Variants in GALNT13 observed in about 807,000 individuals in gnomAD.
GALNT13 encodes UDP-GalNAc:polypeptide N-acetylgalactosaminyltransferase 13.
GALNT13 carries 28 observed loss-of-function variants against 64.2 expected under a neutral mutation model. That is an observed-to-expected ratio of 0.44 (90% confidence interval 0.32 to 0.60). GALNT13 has a LOEUF of 0.60. Ranked by LOEUF, GALNT13 falls within the 20% of genes least tolerant of loss-of-function variation. The pLI is 0.05. For missense variants in GALNT13, 577 were observed against 669.8 expected, an observed-to-expected ratio of 0.86 and a Z score of 1.53; for synonymous variants, 214 against 224.6, an observed-to-expected ratio of 0.95 and a Z score of 0.42.
At chr2:153,449,978 A>T in the GALNT13 span, among the ~76,000 whole-genome samples, 1 of 152,222 alleles carries the variant, frequency 6.6e-6, no homozygotes, top group Admixed American at 6.5e-5. Context: ...GAACCTATTC[A>T]AACAATATAA....
the GALNT13 span, among the ~76,000 whole-genome samples, chr2:153,824,043 A>T: frequency 1.3e-5 from 2 of 152,214 alleles, no homozygotes; most frequent in Non-Finnish European, 2.9e-5. Flanking sequence ...CATCAGAAAA[A>T]ATGTAAGTCA....
intron 4 of GALNT13, among the ~76,000 whole-genome samples, chr2:154,169,425 A>G (rs1573798378): frequency 6.6e-6 from 1 of 152,238 alleles, no homozygotes; most frequent in East Asian, 1.9e-4. Context: ...TATGAACACA[A>G]CCAGCTCTTG....
chr2:153,485,567 C>A, the GALNT13 span, among the ~76,000 whole-genome samples: 1 of 152,134 alleles, frequency 6.6e-6, no homozygotes, highest in Non-Finnish European at 1.5e-5. Context: ...GAATTCAGAA[C>A]TTAAATGAGG....
chr2:153,871,489 CG>C (rs780078152), upstream of GALNT13, among the ~76,000 whole-genome samples: 69 of 152,318 alleles, frequency 4.5e-4, no homozygotes, highest in Non-Finnish European at 5.9e-4. Context: ...GCGCTTTCCC[CG>C]AGGGCAGTCT....
At chr2:154,317,209 CA>C (rs10711591) in intron 9 of GALNT13, among the ~76,000 whole-genome samples, 19,298 of 103,184 alleles carry the variant, frequency 0.19, 1,524 homozygotes, top group East Asian at 0.44. Context: ...CGAGACATCT[CA>C]AAAAAAAAAA....
chr2:154,238,459 T>C (rs1345542582), intron 4 of GALNT13, among the ~76,000 whole-genome samples: 1 of 152,030 alleles, frequency 6.6e-6, no homozygotes, highest in African/African-American at 2.4e-5. Context: ...TTGACCACAT[T>C]TTTTTCTTTC....
chr2:153,551,070 C>CA, the GALNT13 span, among the ~76,000 whole-genome samples: 2 of 152,072 alleles, frequency 1.3e-5, no homozygotes, highest in Non-Finnish European at 2.9e-5. Context: ...AATCATTGAC[C>CA]AACACAGTGG....
chr2:154,410,579 T>G (rs1014107340), intron 11 of GALNT13, among the ~76,000 whole-genome samples: 16 of 151,714 alleles, frequency 1.1e-4, no homozygotes, highest in African/African-American at 3.9e-4. Flanking sequence ...CGTCTCAGTG[T>G]ATCTCTCTTT....
the GALNT13 span, among the ~76,000 whole-genome samples, chr2:153,122,588 T>C: frequency 6.6e-6 from 1 of 152,186 alleles, no homozygotes; most frequent in African/African-American, 2.4e-5. Context: ...AAGACAAAGC[T>C]CTGGAGGCTT....
chr2:153,545,347 C>G, the GALNT13 span, among the ~76,000 whole-genome samples: 1 of 152,160 alleles, frequency 6.6e-6, no homozygotes. Context: ...AGGATGTGTA[C>G]TGCTGCCACA....
the GALNT13 span, among the ~76,000 whole-genome samples, chr2:153,451,280 A>G: frequency 1.3e-5 from 2 of 152,178 alleles, no homozygotes; most frequent in Non-Finnish European, 2.9e-5. Context: ...CAATACTGGA[A>G]TTAGCTTTAG....
chr2:153,246,719 C>A, the GALNT13 span, among the ~76,000 whole-genome samples: 1 of 152,108 alleles, frequency 6.6e-6, no homozygotes, highest in African/African-American at 2.4e-5. Flanking sequence ...ACCAATGACA[C>A]CATAAAGAAA....
Position 154,453,280 on chromosome 2 carries a change from C to T in GALNT13, c.*2729C>T, listed in dbSNP as rs1559164669. 1 of 152,190 alleles carries T rather than the reference C, an allele frequency of 6.6e-6. No individual in the cohort carries two copies. The highest frequency in any genetic ancestry group is 2.4e-5 in the African/African-American group (1 of 41,536). 9.4% of individuals were successfully genotyped at this position (152,190 alleles called of 1,614,324 possible). Reference sequence around the variant, plus strand: ...ACAATCTTCCAATGACTTCTCCCTCCGGTGGCCTTCAAGGTCCTTTATGAG... The same window carrying T: ...ACAATCTTCCAATGACTTCTCCCTCTGGTGGCCTTCAAGGTCCTTTATGAG... On this transcript the variant is annotated 3_prime_UTR_variant, in exon 13 of 13. Coordinates refer to ENST00000392825, the MANE Select transcript of GALNT13 (RefSeq NM_052917.4).
chr2:153,939,850 A>G (rs1426231720), intron 2 of GALNT13, among the ~76,000 whole-genome samples: 1 of 152,182 alleles, frequency 6.6e-6, no homozygotes. Context: ...GGTAACTACT[A>G]TTCGCATTTT....
intron 9 of GALNT13, among the ~76,000 whole-genome samples, chr2:154,347,341 C>CAA (rs1251277750): frequency 2.6e-5 from 4 of 152,220 alleles, no homozygotes. Context: ...CTTGATCTTT[C>CAA]ATATTTGTTA....
At chr2:153,437,612 G>C in the GALNT13 span, among the ~76,000 whole-genome samples, 6 of 152,052 alleles carry the variant, frequency 3.9e-5, no homozygotes, top group Non-Finnish European at 7.4e-5. Flanking sequence ...ATCTTTGCTG[G>C]TTTAAAGTCT....
the GALNT13 span, among the ~76,000 whole-genome samples, chr2:153,345,801 CTT>C: frequency 1.4e-5 from 2 of 147,608 alleles, no homozygotes; most frequent in African/African-American, 2.5e-5. Context: ...TTCTTTCTCT[CTT>C]TCTTTCCTTT....
chr2:154,103,068 G>GT (rs1702431181), intron 3 of GALNT13, among the ~76,000 whole-genome samples: 1 of 151,650 alleles, frequency 6.6e-6, no homozygotes, highest in Non-Finnish European at 1.5e-5. Flanking sequence ...GCAAGATCAA[G>GT]TATTTTTTTT....
the GALNT13 span, chr2:153,762,545 G>A: frequency 5.5e-6 from 1 of 183,058 alleles, no homozygotes; most frequent in Non-Finnish European, 1.2e-5. Flanking sequence ...TTTTATCAGG[G>A]TGGTACTTCA....
Sources: allele counts gnomAD v4.1 joint callset (sites outside exome capture counted in the v4.1 genomes callset), GRCh38; gene constraint gnomAD v4.1.1; transcripts MANE v1.5; gene names NCBI Gene and HGNC (gene_info 2026-07-23, HGNC 2026-07-21).